EFNA5: variants seen among roughly 807,000 people sequenced by gnomAD.
EFNA5 encodes the protein ephrin-A5.
EFNA5 carries 5 observed loss-of-function variants against 22.9 expected under a neutral mutation model. The ratio of observed to expected loss-of-function variants is 0.22; its 90% CI spans 0.11 to 0.46. The LOEUF (loss-of-function observed/expected upper bound fraction) is 0.46. Ranked by LOEUF, EFNA5 falls within the 20% of genes least tolerant of loss-of-function variation. The pLI is 0.99. For missense variants in EFNA5, 237 were observed against 293.3 expected (o/e 0.81, Z 1.40); for synonymous variants, 113 against 112.2 (o/e 1.01, Z -0.04).
chr5:107,431,524 C>T (rs1748959172), intron 1 of EFNA5, among the ~76,000 whole-genome samples: 1 of 152,104 alleles, frequency 6.6e-6, no homozygotes, highest in South Asian at 2.1e-4. Flanking sequence ...TTACTACACC[C>T]ATTTAAAGAT....
chr5:107,437,401 T>C (rs1307844630), intron 1 of EFNA5, among the ~76,000 whole-genome samples: 1 of 152,186 alleles, frequency 6.6e-6, no homozygotes, highest in East Asian at 1.9e-4. Context: ...TGGATACAAA[T>C]CTGGGACTGG....
chr5:107,441,753 C>T (rs1254838653), intron 1 of EFNA5, among the ~76,000 whole-genome samples: 1 of 152,108 alleles, frequency 6.6e-6, no homozygotes, highest in African/African-American at 2.4e-5. Context: ...TAACTAATAT[C>T]TCTAAAGATG....
At chr5:107,590,906 C>T (rs546880700) in intron 1 of EFNA5, among the ~76,000 whole-genome samples, 4 of 152,290 alleles carry the variant, frequency 2.6e-5, no homozygotes, top group South Asian at 4.1e-4. Flanking sequence ...TAATCATAGA[C>T]GCTTGTAACC....
At chr5:107,511,174 G>A (rs1485910712) in intron 1 of EFNA5, among the ~76,000 whole-genome samples, 2 of 152,088 alleles carry the variant, frequency 1.3e-5, no homozygotes, top group African/African-American at 4.8e-5. Flanking sequence ...TAACAGGCAT[G>A]CGCCACCACG....
intron 1 of EFNA5, among the ~76,000 whole-genome samples, chr5:107,467,963 T>A (rs528373529): frequency 2.0e-5 from 3 of 152,326 alleles, no homozygotes; most frequent in African/African-American, 7.2e-5. Flanking sequence ...ATTATAGCTA[T>A]AAGAATGAAA....
At chr5:107,405,064 G>A (rs1748172976) in intron 2 of EFNA5, among the ~76,000 whole-genome samples, 2 of 152,186 alleles carry the variant, frequency 1.3e-5, no homozygotes, top group South Asian at 4.1e-4. Flanking sequence ...ACTATGGCAG[G>A]AGGAAACAGG....
At chr5:107,519,194 A>G (rs1425511218) in intron 1 of EFNA5, among the ~76,000 whole-genome samples, 1 of 152,252 alleles carries the variant, frequency 6.6e-6, no homozygotes, top group African/African-American at 2.4e-5. Flanking sequence ...TTGCCCATGC[A>G]AAGTTTTAAC....
intron 1 of EFNA5, among the ~76,000 whole-genome samples, chr5:107,561,375 C>T (rs2112477565): frequency 6.6e-6 from 1 of 152,096 alleles, no homozygotes; most frequent in African/African-American, 2.4e-5. Context: ...AAAAAGTACA[C>T]TTTTTTTTCT....
At chr5:107,514,607 A>G (rs1262108798) in intron 1 of EFNA5, among the ~76,000 whole-genome samples, 1 of 152,194 alleles carries the variant, frequency 6.6e-6, no homozygotes, top group Non-Finnish European at 1.5e-5. Context: ...CATCAACACA[A>G]AGGCCAATGG....
intron 1 of EFNA5, among the ~76,000 whole-genome samples, chr5:107,491,392 A>G (rs1490954088): frequency 6.6e-6 from 1 of 151,962 alleles, no homozygotes; most frequent in Non-Finnish European, 1.5e-5. Context: ...GCTCACCACA[A>G]CCTCTGCCTC....
intron 2 of EFNA5, among the ~76,000 whole-genome samples, chr5:107,391,165 A>G (rs187584611): frequency 7.2e-5 from 11 of 152,298 alleles, no homozygotes; most frequent in African/African-American, 2.4e-4. Flanking sequence ...ATCAAAAATA[A>G]ATAAATAAAA....
chr5:107,434,628 A>G (rs1228168465), intron 1 of EFNA5, among the ~76,000 whole-genome samples: 2 of 152,232 alleles, frequency 1.3e-5, no homozygotes, highest in East Asian at 1.9e-4. Flanking sequence ...GGAAATATGT[A>G]TGGAGGTATT....
chr5:107,587,676 C>T (rs1286537497), intron 1 of EFNA5, among the ~76,000 whole-genome samples: 2 of 152,150 alleles, frequency 1.3e-5, no homozygotes, highest in Admixed American at 6.5e-5. Flanking sequence ...ACCACCACGC[C>T]CAGCTAATTT....
Position 107,380,673 on chromosome 5 carries a change from C to A in EFNA5, c.*582G>T, listed in dbSNP as rs1009789267. On this transcript the variant is annotated 3_prime_UTR_variant, in exon 5 of 5. Transcript: ENST00000333274. ...TTAAAAAAAAAAACCAGTGTCTCAA[C>A]CTTTTAGAAGCCTGTTCATTTACAT... 4.8e-5 allele frequency: 19 copies of A among 395,814 alleles called. No homozygotes were observed. The highest frequency in any genetic ancestry group is 3.7e-4 in the African/African-American group (18 of 48,562). The allele number at this position is 395,814 out of a possible 1,614,324, so 24.5% of individuals were successfully genotyped here.
chr5:107,574,608 CT>C (rs1748888144), intron 1 of EFNA5, among the ~76,000 whole-genome samples: 1 of 152,144 alleles, frequency 6.6e-6, no homozygotes, highest in Non-Finnish European at 1.5e-5. Flanking sequence ...TTCAAGTTTC[CT>C]TCACAAATGT....
At chr5:107,571,143 G>A (rs1406769354) in intron 1 of EFNA5, among the ~76,000 whole-genome samples, 1 of 152,152 alleles carries the variant, frequency 6.6e-6, no homozygotes, top group Non-Finnish European at 1.5e-5. Flanking sequence ...GAGCGAGTGG[G>A]GGAAGAGGGC....
At chr5:107,495,664 T>C (rs1010931066) in intron 1 of EFNA5, among the ~76,000 whole-genome samples, 1 of 152,186 alleles carries the variant, frequency 6.6e-6, no homozygotes, top group Non-Finnish European at 1.5e-5. Context: ...AATAACGCCA[T>C]GTTCTCAAGC....
intron 1 of EFNA5, among the ~76,000 whole-genome samples, chr5:107,571,915 G>T (rs1038839680): frequency 1.3e-5 from 2 of 152,078 alleles, no homozygotes; most frequent in Non-Finnish European, 2.9e-5. Flanking sequence ...GTGATACAGG[G>T]AGAGGGAAAG....
chr5:107,582,900 G>A (rs924429163), intron 1 of EFNA5, among the ~76,000 whole-genome samples: 3 of 152,060 alleles, frequency 2.0e-5, no homozygotes, highest in Admixed American at 1.3e-4. Flanking sequence ...CACAGAAACA[G>A]CTGTAAATAA....
Sources: gnomAD v4.1 joint callset for allele counts (sites outside exome capture counted in the v4.1 genomes callset) on GRCh38, gnomAD v4.1.1 for gene constraint, MANE v1.5 for transcripts, NCBI Gene and HGNC (gene_info 2026-07-23, HGNC 2026-07-21) for gene names.